The following APBB2 variants were observed in gnomAD, a reference collection of about 807,000 sequenced individuals.
The protein encoded by APBB2 is amyloid beta precursor protein binding family B member 2.
In APBB2, 38 loss-of-function variants were observed where a neutral mutation model predicts 82.5. That is an observed-to-expected ratio of 0.46 (90% CI 0.36 to 0.60). The LOEUF (loss-of-function observed/expected upper bound fraction) is 0.60, where lower values mean the gene tolerates loss of function less well. Ranked by LOEUF, APBB2 falls within the 20% of genes least tolerant of loss-of-function variation. The pLI, the probability that APBB2 is intolerant of heterozygous loss-of-function variation, is 0.00. For missense variants in APBB2, 772 were observed against 972.3 expected, an observed-to-expected ratio of 0.79 and a Z score of 2.74; for synonymous variants, 341 against 368.2, an observed-to-expected ratio of 0.93 and a Z score of 0.85.
chr4:41,120,878 C>T (rs375148457), intron 2 of APBB2, among the ~76,000 whole-genome samples: 1 of 152,298 alleles, frequency 6.6e-6, no homozygotes, highest in East Asian at 1.9e-4. Context: ...ATCAAATTAT[C>T]TAAAAACTTC....
intron 3 of APBB2, among the ~76,000 whole-genome samples, chr4:41,071,479 G>A (rs1245665527): frequency 2.0e-5 from 3 of 152,100 alleles, no homozygotes; most frequent in African/African-American, 2.4e-5. Flanking sequence ...TCAGGAGCTC[G>A]AGACCAGCCT....
intron 10 of APBB2, among the ~76,000 whole-genome samples, chr4:40,929,256 G>T (rs1783477978): frequency 6.6e-6 from 1 of 152,056 alleles, no homozygotes. Context: ...TGGAAAGAAA[G>T]AGAGTTTCAG....
intron 6 of APBB2, among the ~76,000 whole-genome samples, chr4:40,950,252 T>A (rs1313557023): frequency 6.6e-6 from 1 of 152,240 alleles, no homozygotes; most frequent in African/African-American, 2.4e-5. Flanking sequence ...AAGGGTAATT[T>A]GGTACAATCA....
At chr4:40,986,739 A>C (rs1369787255) in intron 6 of APBB2, among the ~76,000 whole-genome samples, 1 of 152,240 alleles carries the variant, frequency 6.6e-6, no homozygotes, top group Admixed American at 6.5e-5. Flanking sequence ...CCACCTAAAT[A>C]GCAAAGTCCC....
intron 10 of APBB2, among the ~76,000 whole-genome samples, chr4:40,918,961 C>A (rs1006033487): frequency 6.6e-6 from 1 of 151,916 alleles, no homozygotes; most frequent in African/African-American, 2.4e-5. Flanking sequence ...GTTTCTTTTT[C>A]TTTTTCTTTT....
intron 10 of APBB2, among the ~76,000 whole-genome samples, chr4:40,921,065 A>T (rs1781135916): frequency 6.6e-6 from 1 of 152,048 alleles, no homozygotes; most frequent in African/African-American, 2.4e-5. Context: ...AAAATAAGAG[A>T]CCCTCACAAG....
chr4:41,113,506 G>A (rs1749925693), intron 2 of APBB2, among the ~76,000 whole-genome samples: 1 of 152,056 alleles, frequency 6.6e-6, no homozygotes, highest in African/African-American at 2.4e-5. Flanking sequence ...GCAAGAGAAA[G>A]AAATAAAGAG....
intron 14 of APBB2, 126 bp downstream of exon 14, chr4:40,827,006 T>C: frequency 1.2e-6 from 1 of 833,378 alleles, no homozygotes; most frequent in South Asian, 1.7e-5. Context: ...CAGGCTCAAC[T>C]TGTGCTTACT....
At chr4:40,948,760 TAAAAAAAAAAAAAA>T (rs34662232) in intron 6 of APBB2, among the ~76,000 whole-genome samples, 2 of 83,358 alleles carry the variant, frequency 2.4e-5, no homozygotes, top group Non-Finnish European at 4.6e-5. Flanking sequence ...ACTCCCATCT[TAAAAAAAAAAAAAA>T]AAAAAAAAAG....
At chr4:41,158,648 G>A (rs539332110) in intron 1 of APBB2, among the ~76,000 whole-genome samples, 8 of 152,224 alleles carry the variant, frequency 5.3e-5, no homozygotes, top group African/African-American at 1.9e-4. Context: ...GTTCAAGGGT[G>A]TTGAGGGGTA....
At chr4:40,968,656 A>C (rs759812394) in intron 6 of APBB2, among the ~76,000 whole-genome samples, 10 of 152,026 alleles carry the variant, frequency 6.6e-5, no homozygotes, top group Non-Finnish European at 1.2e-4. Context: ...CATGCCTTAC[A>C]TATCTGTATC....
intron 3 of APBB2, among the ~76,000 whole-genome samples, chr4:41,071,616 G>A (rs936467154): frequency 8.5e-5 from 13 of 152,126 alleles, no homozygotes; most frequent in African/African-American, 2.9e-4. Context: ...GGGAGGCAGA[G>A]GTTGCAGTGA....
rs766501543 is a variant in APBB2 at position 41,013,903 on chromosome 4, GC to G, written c.514del (p.Ala172ProfsTer4). 2 of 1,614,122 alleles carry G rather than the reference GC, an allele frequency of 1.2e-6. No homozygotes were observed. The highest frequency in any genetic ancestry group is 1.7e-6 in the Non-Finnish European group (2 of 1,179,998). The stretch of plus-strand genomic sequence containing the variant: ...GCCTCGGTTCTGCTCTAGTTCTCTG[GC>G]TGAGGTTTCCAGATCTGCATAGTAA... The part of the protein sequence containing the change: ...LNYYADLETS[A>X]RELEQNRGNH... On this transcript the variant is annotated frameshift_variant, in exon 6 of 18. Coordinates refer to ENST00000508593, the MANE Select transcript of APBB2 (RefSeq NM_004307.2). LOFTEE classifies it high-confidence loss of function.
intron 1 of APBB2, among the ~76,000 whole-genome samples, chr4:41,150,307 G>A (rs1226008055): frequency 6.6e-6 from 1 of 152,182 alleles, no homozygotes; most frequent in African/African-American, 2.4e-5. Flanking sequence ...GAAGTAGCAG[G>A]TTAGGTGTCT....
At chr4:40,945,160 G>A in intron 6 of APBB2, 87 bp from the exon 7 acceptor site, 1 of 958,828 alleles carries the variant, frequency 1.0e-6, no homozygotes, top group Non-Finnish European at 1.6e-6. Flanking sequence ...AACCCCAAAG[G>A]CAGACGTGTC....
intron 10 of APBB2, among the ~76,000 whole-genome samples, chr4:40,931,076 C>T (rs930867227): frequency 8.6e-5 from 13 of 151,594 alleles, no homozygotes; most frequent in Admixed American, 8.6e-4. Flanking sequence ...CAGGATTTTT[C>T]GGGGGAGGGG....
At chr4:41,044,491 T>G (rs1722662501) in intron 4 of APBB2, among the ~76,000 whole-genome samples, 1 of 152,216 alleles carries the variant, frequency 6.6e-6, no homozygotes, top group African/African-American at 2.4e-5. Flanking sequence ...ATTTTTGTTG[T>G]TTGAAGCTCA....
intron 12 of APBB2, among the ~76,000 whole-genome samples, chr4:40,839,809 C>T (rs1038692889): frequency 4.6e-5 from 7 of 152,002 alleles, no homozygotes; most frequent in African/African-American, 9.7e-5. Context: ...GGATTACAAG[C>T]GTGTGACACC....
chr4:40,881,399 AC>A, intron 12 of APBB2: 1 of 984,766 alleles, frequency 1.0e-6, no homozygotes, highest in Non-Finnish European at 1.2e-6. Flanking sequence ...CCAGACTGAG[AC>A]CCCACCTAAT....
Sources: allele counts gnomAD v4.1 joint callset (sites outside exome capture counted in the v4.1 genomes callset), GRCh38; gene constraint gnomAD v4.1.1; transcripts MANE v1.5; gene names NCBI Gene and HGNC (gene_info 2026-07-23, HGNC 2026-07-21).